Variants in FRYL observed in about 807,000 individuals in gnomAD.
The protein encoded by FRYL is FRY like transcription coactivator.
In FRYL, 150 loss-of-function variants were observed where a neutral mutation model predicts 351.2. The ratio of observed to expected loss-of-function variants is 0.43; its 90% CI spans 0.37 to 0.49. FRYL has a LOEUF of 0.49. FRYL is among the 20% of genes least tolerant of loss of function. FRYL has a pLI of 0.00. For synonymous variants in FRYL, 1,153 were observed against 1,257.1 expected (o/e 0.92, Z 1.75); for missense variants, 3,036 against 3,619.3 (o/e 0.84, Z 4.13).
At chr4:48,641,243 T>G (rs544850100) in intron 3 of FRYL, among the ~76,000 whole-genome samples, 1 of 152,208 alleles carries the variant, frequency 6.6e-6, no homozygotes, top group East Asian at 1.9e-4. Flanking sequence ...AAAATATCAT[T>G]TGATGCACAG....
intron 14 of FRYL, 93 bp from the exon 15 acceptor site, chr4:48,595,791 AT>A (rs1279119470): frequency 9.2e-7 from 1 of 1,084,580 alleles, no homozygotes; most frequent in East Asian, 2.5e-5. Context: ...TATTGACAGA[AT>A]TCATATTCCA....
intron 49 of FRYL, among the ~76,000 whole-genome samples, chr4:48,532,785 G>A (rs1727953645): frequency 6.6e-6 from 1 of 152,176 alleles, no homozygotes. Flanking sequence ...CTTTAGGGAT[G>A]TTTTCATAAA....
At chr4:48,519,571 C>A (rs1344869863) in intron 55 of FRYL, among the ~76,000 whole-genome samples, 2 of 151,012 alleles carry the variant, frequency 1.3e-5, no homozygotes, top group Non-Finnish European at 2.9e-5. Context: ...GGCGCGATCT[C>A]GGCTCCCTGT....
At position 48,576,225 on chromosome 4, in the gene FRYL, A is replaced by T. The variant is rs1445649661; in HGVS notation, c.2529-3T>A. On this transcript the variant is annotated splice_polypyrimidine_tract_variant and splice_region_variant and intron_variant, in intron 23 of 63. Transcript: ENST00000358350. The stretch of plus-strand genomic sequence containing the variant: ...CTTTCTTAGCATTGATGGGGCTACT[A>T]AGGAAAAAAAAAGAAAAATAGGCAG... The T allele has an allele frequency of 1.3e-6, 2 of 1,574,326 alleles. No homozygotes were observed. The highest frequency in any genetic ancestry group is 2.3e-5 in the East Asian group (1 of 43,240).
intron 4 of FRYL, among the ~76,000 whole-genome samples, chr4:48,626,821 A>AAAT (rs1163753082): frequency 1.3e-5 from 2 of 152,132 alleles, no homozygotes; most frequent in East Asian, 3.8e-4. Flanking sequence ...AATCTTTATG[A>AAAT]AAACACGATC....
intron 3 of FRYL, among the ~76,000 whole-genome samples, chr4:48,674,969 T>A (rs1320687780): frequency 6.6e-6 from 1 of 152,208 alleles, no homozygotes; most frequent in Admixed American, 6.5e-5. Flanking sequence ...GCAAGGCAGA[T>A]ATGCTGATTA....
intron 2 of FRYL, among the ~76,000 whole-genome samples, chr4:48,688,014 T>C (rs1455348330): frequency 2.0e-5 from 3 of 152,146 alleles, no homozygotes; most frequent in Non-Finnish European, 4.4e-5. Flanking sequence ...TGCCACCAGG[T>C]AAAAAGATTA....
chr4:48,517,163 AT>A (rs1360300687), intron 55 of FRYL, among the ~76,000 whole-genome samples: 5 of 152,204 alleles, frequency 3.3e-5, no homozygotes, highest in Non-Finnish European at 5.9e-5. Flanking sequence ...TTCTAAAAAA[AT>A]ATTTGGTCAT....
rs1560654385 is a variant in FRYL at position 48,582,573 on chromosome 4, G to A, written c.1910C>T (p.Ala637Val). The A allele has an allele frequency of 1.2e-6, 2 of 1,613,900 alleles. No homozygotes were observed. Among genetic ancestry groups the A allele is most frequent in the Non-Finnish European group, 1.7e-6 (2 of 1,179,904 alleles). The change falls in exon 20 of 64, where the codon GCC becomes GTC. Residue 637 changes from alanine (A) to valine (V), a missense_variant. Coordinates refer to ENST00000358350, the MANE Select transcript of FRYL (RefSeq NM_015030.2). Reference protein sequence around the residue: ...TDVHPTLLDNAVKMLVQLINQ... With the variant: ...TDVHPTLLDNVVKMLVQLINQ... The stretch of plus-strand genomic sequence containing the variant: ...TATTAATTGTACCAACATCTTTACG[G>A]CATTATCAAGAAGTGTGGGATGGAC...
chr4:48,514,418 GCT>G (rs1723125022), intron 56 of FRYL, among the ~76,000 whole-genome samples: 1 of 152,010 alleles, frequency 6.6e-6, no homozygotes, highest in Admixed American at 6.6e-5. Context: ...TCCCCTAAAA[GCT>G]ATATATAACA....
intron 1 of FRYL, among the ~76,000 whole-genome samples, chr4:48,762,715 A>T (rs1315547715): frequency 6.6e-6 from 1 of 152,184 alleles, no homozygotes; most frequent in African/African-American, 2.4e-5. Context: ...TTTTCATACA[A>T]CTTATTTTAT....
chr4:48,608,945 A>G (rs780183638), intron 9 of FRYL, 42 bp downstream of exon 9: 4 of 1,275,986 alleles, frequency 3.1e-6, no homozygotes, highest in Non-Finnish European at 2.3e-6. Context: ...GAAGCATTCT[A>G]AAATGCAAAG....
At chr4:48,738,394 GT>G (rs1255709232) in intron 1 of FRYL, among the ~76,000 whole-genome samples, 2 of 152,160 alleles carry the variant, frequency 1.3e-5, no homozygotes, top group East Asian at 1.9e-4. Flanking sequence ...AACAAAATTT[GT>G]GTAAGACCTT....
At chr4:48,673,039 C>T (rs1762975862) in intron 3 of FRYL, among the ~76,000 whole-genome samples, 1 of 152,176 alleles carries the variant, frequency 6.6e-6, no homozygotes, top group Non-Finnish European at 1.5e-5. Flanking sequence ...GTTGTCCCTG[C>T]TAGTGAGCTG....
intron 6 of FRYL, among the ~76,000 whole-genome samples, chr4:48,619,591 G>A (rs1560729364): frequency 2.0e-5 from 3 of 152,214 alleles, no homozygotes; most frequent in East Asian, 3.9e-4. Context: ...ATGGCCCACC[G>A]CAGCTTCAAC....
intron 2 of FRYL, among the ~76,000 whole-genome samples, chr4:48,692,551 C>T (rs1765770005): frequency 1.3e-5 from 2 of 152,120 alleles, no homozygotes; most frequent in South Asian, 4.1e-4. Flanking sequence ...TGCCACCACA[C>T]CTGACTAATT....
chr4:48,687,959 T>C (rs931998770), intron 2 of FRYL, among the ~76,000 whole-genome samples: 1 of 152,122 alleles, frequency 6.6e-6, no homozygotes, highest in Non-Finnish European at 1.5e-5. Flanking sequence ...AGGCAACAGT[T>C]GTTAGGAATG....
chr4:48,722,816 A>C (rs1769638821), intron 1 of FRYL, among the ~76,000 whole-genome samples: 1 of 152,226 alleles, frequency 6.6e-6, no homozygotes, highest in African/African-American at 2.4e-5. Flanking sequence ...GAAATGTGAA[A>C]GATAAAAATC....
At chr4:48,508,227 T>C (rs1721701688) in intron 59 of FRYL, among the ~76,000 whole-genome samples, 1 of 152,184 alleles carries the variant, frequency 6.6e-6, no homozygotes, top group Admixed American at 6.5e-5. Context: ...AAGAAGTTTG[T>C]AAGCATTATT....
Sources: gnomAD v4.1 joint callset for allele counts (sites outside exome capture counted in the v4.1 genomes callset) on GRCh38, gnomAD v4.1.1 for gene constraint, MANE v1.5 for transcripts, NCBI Gene and HGNC (gene_info 2026-07-23, HGNC 2026-07-21) for gene names.